Variants in CDKAL1 observed in about 807,000 individuals in gnomAD.
CDKAL1 encodes CDKAL1 threonylcarbamoyladenosine tRNA methylthiotransferase.
A neutral mutation model predicts 68.2 loss-of-function variants in CDKAL1; 32 were observed. That is an observed-to-expected ratio of 0.47 (90% CI 0.35 to 0.63). CDKAL1 has a LOEUF of 0.63. Among genes scored for constraint, CDKAL1 ranks in the 30% least tolerant of loss-of-function variants. CDKAL1 has a pLI of 0.00. For missense variants in CDKAL1, 606 were observed against 696.7 expected (o/e 0.87, Z 1.47); for synonymous variants, 234 against 244.3 (o/e 0.96, Z 0.39).
intron 15 of CDKAL1, among the ~76,000 whole-genome samples, chr6:21,212,742 G>A (rs923902977): frequency 2.6e-5 from 4 of 152,072 alleles, no homozygotes; most frequent in Non-Finnish European, 2.9e-5. Context: ...GGGTACAAGC[G>A]CAGATTGCTT....
At chr6:20,968,886 C>T (rs537875691) in intron 10 of CDKAL1, among the ~76,000 whole-genome samples, 1 of 152,058 alleles carries the variant, frequency 6.6e-6, no homozygotes, top group East Asian at 1.9e-4. Flanking sequence ...AGTCTTTGTC[C>T]AGTAAAGTCT....
chr6:20,925,839 A>G (rs1417095550), intron 9 of CDKAL1, among the ~76,000 whole-genome samples: 1 of 152,180 alleles, frequency 6.6e-6, no homozygotes, highest in Non-Finnish European at 1.5e-5. Flanking sequence ...ACTATTATCA[A>G]TTTTGTTCCT....
rs555595407 is a variant in CDKAL1, at chr6:21,205,394, C to T, written c.1548+4120C>T. On this transcript the variant is annotated intron_variant, in intron 15 of 15. Coordinates refer to ENST00000274695, the MANE Select transcript of CDKAL1 (RefSeq NM_017774.3). ...GCTGCCATACTGTTTTCCATGGCAG[C>T]GGTACCATTTTACATTTCCACCAAT... Among the ~76,000 whole-genome samples, 41 of 152,300 alleles carry T rather than the reference C, an allele frequency of 2.7e-4. No homozygotes were observed. The South Asian group carries it at 8.3e-3, about 31-fold the overall frequency.
chr6:20,691,166 A>T (rs1405287144), intron 5 of CDKAL1, among the ~76,000 whole-genome samples: 1 of 152,178 alleles, frequency 6.6e-6, no homozygotes, highest in Non-Finnish European at 1.5e-5. Flanking sequence ...GTAAACGGCC[A>T]TTCATTGTCC....
At chr6:20,906,588 A>G (rs962895983) in intron 9 of CDKAL1, among the ~76,000 whole-genome samples, 2 of 152,172 alleles carry the variant, frequency 1.3e-5, no homozygotes, top group Admixed American at 6.5e-5. Flanking sequence ...ACCATTGTCC[A>G]TACACTCCTC....
chr6:20,633,851 C>G (rs775811246), intron 4 of CDKAL1, among the ~76,000 whole-genome samples: 3 of 152,086 alleles, frequency 2.0e-5, no homozygotes, highest in Non-Finnish European at 4.4e-5. Flanking sequence ...AGATCTCTTG[C>G]CCATTTTTAA....
At chr6:21,103,647 T>G (rs904966953) in intron 12 of CDKAL1, among the ~76,000 whole-genome samples, 3 of 152,160 alleles carry the variant, frequency 2.0e-5, no homozygotes, top group Non-Finnish European at 4.4e-5. Flanking sequence ...AAATATCCTC[T>G]CATCTCTGTG....
chr6:21,126,539 T>G (rs1254632715), intron 13 of CDKAL1, among the ~76,000 whole-genome samples: 2 of 152,208 alleles, frequency 1.3e-5, no homozygotes, highest in African/African-American at 4.8e-5. Context: ...TTTTCCCGCT[T>G]CTGGCTCTTC....
chr6:20,733,188 G>T (rs1258806622), intron 5 of CDKAL1, among the ~76,000 whole-genome samples: 1 of 152,208 alleles, frequency 6.6e-6, no homozygotes, highest in Non-Finnish European at 1.5e-5. Flanking sequence ...TGATAAAGGT[G>T]CATGATGACT....
chr6:20,673,968 C>CT (rs1769971380), intron 5 of CDKAL1, among the ~76,000 whole-genome samples: 1 of 151,956 alleles, frequency 6.6e-6, no homozygotes, highest in African/African-American at 2.4e-5. Context: ...GTTTTATGTT[C>CT]TTTGTTGCCT....
intron 13 of CDKAL1, among the ~76,000 whole-genome samples, chr6:21,143,899 T>C (rs988381735): frequency 2.0e-5 from 3 of 152,170 alleles, no homozygotes; most frequent in African/African-American, 7.2e-5. Flanking sequence ...ACTCAGGTTC[T>C]GGAATGGTGC....
At chr6:20,839,858 A>G (rs184342815) in intron 8 of CDKAL1, among the ~76,000 whole-genome samples, 2 of 152,304 alleles carry the variant, frequency 1.3e-5, no homozygotes, top group Non-Finnish European at 2.9e-5. Context: ...TGGTCTGTCC[A>G]TTATGAAATC....
At chr6:20,759,253 A>G (rs1702907883) in intron 7 of CDKAL1, among the ~76,000 whole-genome samples, 1 of 152,194 alleles carries the variant, frequency 6.6e-6, no homozygotes, top group African/African-American at 2.4e-5. Flanking sequence ...TTTAAGATAA[A>G]GAAATTTTCT....
intron 7 of CDKAL1, among the ~76,000 whole-genome samples, chr6:20,774,434 G>A (rs1271406224): frequency 1.3e-5 from 2 of 152,244 alleles, no homozygotes; most frequent in South Asian, 2.1e-4. Flanking sequence ...CGGGGAGGTG[G>A]TTCTTTTCTA....
At chr6:21,133,128 A>C (rs539695388) in intron 13 of CDKAL1, among the ~76,000 whole-genome samples, 1 of 152,312 alleles carries the variant, frequency 6.6e-6, no homozygotes, top group South Asian at 2.1e-4. Flanking sequence ...GTAACACTAA[A>C]GCATTTGGGG....
At chr6:21,043,518 T>C (rs1582085722) in intron 11 of CDKAL1, among the ~76,000 whole-genome samples, 1 of 152,340 alleles carries the variant, frequency 6.6e-6, no homozygotes, top group East Asian at 1.9e-4. Flanking sequence ...AAGACTACTC[T>C]TCTCTCCTTT....
chr6:20,777,799 C>G (rs1350997687), intron 7 of CDKAL1, among the ~76,000 whole-genome samples: 1 of 152,108 alleles, frequency 6.6e-6, no homozygotes, highest in African/African-American at 2.4e-5. Flanking sequence ...ATACATACAT[C>G]CATACCTATG....
intron 9 of CDKAL1, among the ~76,000 whole-genome samples, chr6:20,846,807 T>C (rs1561827147): frequency 6.6e-6 from 1 of 152,220 alleles, no homozygotes; most frequent in Non-Finnish European, 1.5e-5. Flanking sequence ...ATCTTTAACA[T>C]GAGTGACAGT....
chr6:20,600,797 C>CATATATATAT (rs1561956359), intron 4 of CDKAL1, among the ~76,000 whole-genome samples: 10 of 82,688 alleles, frequency 1.2e-4, no homozygotes, highest in African/African-American at 3.8e-4. Context: ...TACACACACA[C>CATATATATAT]ACATGAATGA....
Sources: allele counts gnomAD v4.1 joint callset (sites outside exome capture counted in the v4.1 genomes callset), GRCh38; gene constraint gnomAD v4.1.1; transcripts MANE v1.5; gene names NCBI Gene and HGNC (gene_info 2026-07-23, HGNC 2026-07-21).